Variants in UBE3D observed in about 807,000 individuals in gnomAD.
The protein encoded by UBE3D is ubiquitin protein ligase E3D.
In UBE3D, 48 loss-of-function variants were observed where a neutral mutation model predicts 49.6. The observed-to-expected ratio is 0.97, with a 90% CI of 0.77 to 1.23. The LOEUF is 1.23. Among genes scored for constraint, UBE3D ranks in the 50% most tolerant of loss-of-function variants. The probability of loss-of-function intolerance (pLI) is 0.00; values close to 1 mark genes in which losing one functional copy is unlikely to be tolerated. For synonymous variants in UBE3D, 189 were observed against 174.2 expected (o/e 1.08, Z -0.67); for missense variants, 452 against 468.4 (o/e 0.96, Z 0.32).
chr6:83,014,151 T>C (rs1049761900), intron 8 of UBE3D, among the ~76,000 whole-genome samples: 2 of 152,224 alleles, frequency 1.3e-5, no homozygotes, highest in African/African-American at 4.8e-5. Context: ...GTCACCACTT[T>C]GTTAAACTTA....
chr6:83,008,608 C>G (rs1473569709), intron 8 of UBE3D, among the ~76,000 whole-genome samples: 3 of 152,112 alleles, frequency 2.0e-5, no homozygotes, highest in Non-Finnish European at 4.4e-5. Context: ...TTTGTGTATG[C>G]TCAAGGAAAT....
At chr6:82,913,112 C>T (rs1251480085) in intron 9 of UBE3D, among the ~76,000 whole-genome samples, 2 of 152,296 alleles carry the variant, frequency 1.3e-5, no homozygotes, top group South Asian at 2.1e-4. Flanking sequence ...CTTAGATTCT[C>T]GCTCTGTGGT....
At chr6:82,885,787 A>G in the UBE3D span, among the ~76,000 whole-genome samples, 2 of 152,196 alleles carry the variant, frequency 1.3e-5, no homozygotes, top group African/African-American at 2.4e-5. Flanking sequence ...ACTCTTTCCT[A>G]TCTTATTCAC....
rs1305421349 is a variant in UBE3D at position 82,989,106 on chromosome 6, T to C, written c.1010+29867A>G. 5.9e-5 allele frequency among the ~76,000 whole-genome samples: 9 copies of C among 151,910 alleles called. No homozygotes were observed. The South Asian group carries it at 1.7e-3, about 28-fold the overall frequency. ...AGACTCTTCGGGCAGAAAAGAAAAA[T>C]GTCAAGTAGAGACAAATACAGAGGA... On this transcript the variant is annotated intron_variant, in intron 8 of 9. Coordinates refer to ENST00000369747, the MANE Select transcript of UBE3D (RefSeq NM_198920.3).
intron 9 of UBE3D, among the ~76,000 whole-genome samples, chr6:82,917,404 A>G (rs1772998849): frequency 6.6e-6 from 1 of 152,176 alleles, no homozygotes. Context: ...ATACGTATGC[A>G]GGAAGGAACA....
At chr6:83,037,657 T>C (rs368078656) in intron 5 of UBE3D, 1 of 152,200 alleles carries the variant, frequency 6.6e-6, no homozygotes, top group African/African-American at 2.4e-5. Context: ...GTAAATCACA[T>C]CTTCTAATTA....
intron 8 of UBE3D, among the ~76,000 whole-genome samples, chr6:83,009,305 T>C (rs1403111894): frequency 6.6e-6 from 1 of 152,046 alleles, no homozygotes; most frequent in Non-Finnish European, 1.5e-5. Context: ...AATAGGTAAA[T>C]AATGATTACC....
In UBE3D at chr6:83,052,339, C is replaced by T. The variant is rs963869219; in HGVS notation, c.365+1809G>A. 2.6e-5 allele frequency among the ~76,000 whole-genome samples: 4 copies of T among 152,250 alleles called. No individual in the cohort carries two copies. The South Asian group carries it at 6.2e-4, about 24-fold the overall frequency. ...CTCAAAAGAGTAGGGATAAAGGATA[C>T]AGGGGACAACAAGATTATCTGCACT... is the stretch of plus-strand genomic sequence containing the variant. On this transcript the variant is annotated intron_variant, in intron 3 of 9. Coordinates refer to ENST00000369747, the MANE Select transcript of UBE3D (RefSeq NM_198920.3).
At chr6:83,000,492 C>T (rs1779546476) in intron 8 of UBE3D, among the ~76,000 whole-genome samples, 2 of 152,184 alleles carry the variant, frequency 1.3e-5, no homozygotes, top group African/African-American at 4.8e-5. Context: ...AATAATTTCT[C>T]TTAGGCTACT....
chr6:82,960,240 G>C (rs144710893), intron 8 of UBE3D, among the ~76,000 whole-genome samples: 167 of 152,256 alleles, frequency 1.1e-3, no homozygotes, highest in African/African-American at 3.9e-3. Context: ...ATCTTACATT[G>C]ATTGACTGGT....
chr6:83,065,292 T>C (rs2127869450), intron 1 of UBE3D, among the ~76,000 whole-genome samples: 1 of 152,360 alleles, frequency 6.6e-6, no homozygotes, highest in Admixed American at 6.5e-5. Context: ...ATTGTTTTGT[T>C]GGAAACGCCG....
At chr6:83,036,541 TTTTAA>T (rs1440009040) in intron 5 of UBE3D, 17 of 152,298 alleles carry the variant, frequency 1.1e-4, no homozygotes, top group African/African-American at 3.6e-4. Flanking sequence ...TTCTCAGTGC[TTTTAA>T]TTTGCTTGCT....
chr6:82,974,534 T>C (rs1480403412), intron 8 of UBE3D, among the ~76,000 whole-genome samples: 2 of 152,362 alleles, frequency 1.3e-5, no homozygotes, highest in Middle Eastern at 3.4e-3. Context: ...TTTTTAAATT[T>C]GTATTTTTTT....
At chr6:83,056,142 A>T (rs7770015) in intron 2 of UBE3D, among the ~76,000 whole-genome samples, 2,064 of 152,362 alleles carry the variant, frequency 0.014, 48 homozygotes, top group African/African-American at 0.047. Context: ...CAATGTTTGC[A>T]GATTTAAATT....
chr6:82,894,077 G>A (rs1036910212), intron 9 of UBE3D: 1 of 152,140 alleles, frequency 6.6e-6, no homozygotes, highest in African/African-American at 2.4e-5. Flanking sequence ...AGGAAAGGTT[G>A]ATTCCTAAAC....
chr6:83,059,191 G>C (rs867689980), intron 1 of UBE3D, among the ~76,000 whole-genome samples: 1 of 152,140 alleles, frequency 6.6e-6, no homozygotes, highest in Non-Finnish European at 1.5e-5. Context: ...AGACCAGCCT[G>C]GGCAACAAAG....
intron 2 of UBE3D, 71 bp downstream of exon 2, chr6:83,057,755 T>C: frequency 1.3e-6 from 2 of 1,507,484 alleles, no homozygotes; most frequent in East Asian, 2.4e-5. Context: ...GTTCAACTTA[T>C]CAAAGGAAAA....
chr6:82,920,055 G>GA (rs1268015886), intron 9 of UBE3D, among the ~76,000 whole-genome samples: 2 of 152,074 alleles, frequency 1.3e-5, no homozygotes, highest in African/African-American at 4.8e-5. Context: ...GCTTCAAATG[G>GA]AAAAAATATA....
chr6:83,027,421 C>T (rs1356225675), intron 5 of UBE3D, among the ~76,000 whole-genome samples: 6 of 32,064 alleles, frequency 1.9e-4, no homozygotes, highest in South Asian at 2.2e-3. Flanking sequence ...GGCGACAGAG[C>T]GAGACTCCGT....
Sources: allele counts gnomAD v4.1 joint callset (sites outside exome capture counted in the v4.1 genomes callset), GRCh38; gene constraint gnomAD v4.1.1; transcripts MANE v1.5; gene names NCBI Gene and HGNC (gene_info 2026-07-23, HGNC 2026-07-21).